Variants in SDC3 observed in about 807,000 individuals in gnomAD.
SDC3 encodes syndecan-3.
In SDC3, 13 loss-of-function variants were observed where a neutral mutation model predicts 24.4. The ratio of observed to expected loss-of-function variants is 0.53; its 90% CI spans 0.35 to 0.85. SDC3 has a LOEUF of 0.85. Among genes scored for constraint, SDC3 ranks in the 40% least tolerant of loss-of-function variants. The pLI is 0.01. For synonymous variants in SDC3, 295 were observed against 260.9 expected (o/e 1.13, Z -1.26); for missense variants, 571 against 584.5 (o/e 0.98, Z 0.24).
chr1:30,881,721 A>G (rs911576149), intron 1 of SDC3, among the ~76,000 whole-genome samples: 5 of 152,176 alleles, frequency 3.3e-5, no homozygotes, highest in Admixed American at 6.5e-5. Context: ...TGCTGGGAGC[A>G]TGTTATTTAT....
chr1:30,877,180 G>C lies in SDC3; in HGVS notation c.257-15C>G, dbSNP rs756997177. On this transcript the variant is annotated splice_polypyrimidine_tract_variant and intron_variant, in intron 2 of 4. Transcript: ENST00000339394. ...CTGCTCGAAGTCTGAGGGGGTGGGG[G>C]AGAGGGAGAGAGCTAGGGAGCTGGG... is the stretch of plus-strand genomic sequence containing the variant. 6.2e-7 allele frequency: 1 copy of C among 1,613,572 alleles called. No homozygotes were observed. Among genetic ancestry groups the C allele is most frequent in the Admixed American group, 1.7e-5 (1 of 59,996 alleles).
At chr1:30,889,635 T>C (rs1570012705) in intron 1 of SDC3, among the ~76,000 whole-genome samples, 1 of 152,180 alleles carries the variant, frequency 6.6e-6, no homozygotes, top group East Asian at 1.9e-4. Context: ...TGAATATAGA[T>C]GTTCTATAAA....
In SDC3 at chr1:30,876,584, T is replaced by A; in HGVS notation, c.838A>T (p.Thr280Ser). ...IPERSTLPLG[T>S]TAPGPTEVAQ... ...ACCTCTGTGGGTCCAGGGGCAGTGG[T>A]CCCCAGGGGCAGGGTGCTCCTCTCA... The change falls in exon 3 of 5, where the codon ACC (threonine) becomes TCC (serine). Residue 280 changes from threonine (T) to serine (S), a missense_variant. Transcript: ENST00000339394. 1 of 1,529,356 alleles carries A rather than the reference T, an allele frequency of 6.5e-7. No individual in the cohort carries two copies. The highest frequency in any genetic ancestry group is 2.3e-5 in the East Asian group (1 of 44,130). 94.7% of individuals were successfully genotyped at this position (1,529,356 alleles called of 1,614,324 possible).
chr1:30,886,342 C>A (rs1287013924), intron 1 of SDC3, among the ~76,000 whole-genome samples: 1 of 152,102 alleles, frequency 6.6e-6, no homozygotes, highest in Admixed American at 6.5e-5. Flanking sequence ...TCACACAATG[C>A]CTCCTTTGTC....
chr1:30,890,181 G>A lies in SDC3; in HGVS notation c.139-11441C>T, dbSNP rs1016500900. On this transcript the variant is annotated intron_variant, in intron 1 of 4. Transcript: ENST00000339394. ...CAAAATTAGCAAGGTGTGGTGGCAC[G>A]TGCCTGTAGTCCCAGCTATTTGGGA... 6.6e-5 allele frequency among the ~76,000 whole-genome samples: 10 copies of A among 152,190 alleles called. No homozygotes were observed. In the East Asian group the frequency reaches 1.4e-3, roughly 21 times the overall value.
At chr1:30,893,303 G>GCCCCC (rs59392837) in intron 1 of SDC3, among the ~76,000 whole-genome samples, 12 of 13,524 alleles carry the variant, frequency 8.9e-4, no homozygotes, top group South Asian at 6.5e-3. Flanking sequence ...CCCACCAGGA[G>GCCCCC]CCCCCCCCCC....
At chr1:30,902,519 A>G (rs1638436886) in intron 1 of SDC3, among the ~76,000 whole-genome samples, 1 of 152,222 alleles carries the variant, frequency 6.6e-6, no homozygotes, top group Non-Finnish European at 1.5e-5. Context: ...ATGTGATGTT[A>G]TGGAGGACAG....
intron 1 of SDC3, among the ~76,000 whole-genome samples, chr1:30,888,734 G>A (rs994521772): frequency 3.9e-5 from 6 of 152,108 alleles, no homozygotes; most frequent in Non-Finnish European, 8.8e-5. Flanking sequence ...GCCACTCCCC[G>A]CCCCCAGCCT....
At chr1:30,903,526 C>T (rs1638455251) in intron 1 of SDC3, among the ~76,000 whole-genome samples, 1 of 152,166 alleles carries the variant, frequency 6.6e-6, no homozygotes, top group African/African-American at 2.4e-5. Flanking sequence ...CAGTGGCCCT[C>T]AGAGTAGCTG....
In SDC3 at chr1:30,870,682, G is replaced by T. The variant is rs1639517838; in HGVS notation, c.*2529C>A. On this transcript the variant is annotated 3_prime_UTR_variant, in exon 5 of 5. Transcript: ENST00000339394. ...TCTCAAATGCTAAGGACACAGAGAA[G>T]AGAAGCCAGTGCCTGGAGCCCAAGC... The T allele has an allele frequency of 1.3e-5, 2 of 152,390 alleles. No individual in the cohort carries two copies. The highest frequency in any genetic ancestry group is 4.1e-4 in the South Asian group (2 of 4,838). 9.4% of individuals were successfully genotyped at this position (152,390 alleles called of 1,614,324 possible). A position where few individuals can be genotyped will look rare whatever the true frequency, so the allele number is the denominator to read the frequency against.
At chr1:30,874,717 C>G in intron 3 of SDC3, 129 bp from the exon 4 acceptor site, 4 of 838,302 alleles carry the variant, frequency 4.8e-6, no homozygotes, top group Non-Finnish European at 7.5e-6. Flanking sequence ...ACACACTATC[C>G]CCATGAAGGA....
intron 1 of SDC3, among the ~76,000 whole-genome samples, chr1:30,898,773 T>G (rs752574721): frequency 3.9e-5 from 6 of 152,182 alleles, no homozygotes; most frequent in Non-Finnish European, 8.8e-5. Context: ...TCCTCAAATC[T>G]GAAGACTACA....
intron 3 of SDC3, 85 bp downstream of exon 3, chr1:30,876,467 C>G: frequency 1.6e-6 from 2 of 1,220,138 alleles, no homozygotes; most frequent in Non-Finnish European, 2.2e-6. Flanking sequence ...TCCTGGTCCT[C>G]AGTCCTGTCC....
At chr1:30,890,217 G>C (rs1236344999) in intron 1 of SDC3, among the ~76,000 whole-genome samples, 1 of 152,152 alleles carries the variant, frequency 6.6e-6, no homozygotes, top group African/African-American at 2.4e-5. Flanking sequence ...GGCTGAGGCA[G>C]AATTGCTTGA....
intron 1 of SDC3, among the ~76,000 whole-genome samples, chr1:30,899,967 G>A (rs1012338360): frequency 7.2e-5 from 11 of 152,352 alleles, no homozygotes; most frequent in East Asian, 1.9e-4. Flanking sequence ...GAGCCCACAC[G>A]TCTGCCTGAT....
chr1:30,894,445 A>G (rs1570020143), intron 1 of SDC3, among the ~76,000 whole-genome samples: 2 of 44,200 alleles, frequency 4.5e-5, no homozygotes, highest in Non-Finnish European at 7.8e-5. Flanking sequence ...GAGTGTGTGG[A>G]TGAGTGTGGG....
chr1:30,876,758 C>A lies in SDC3; in HGVS notation c.664G>T (p.Ala222Ser). Residue 222 changes from alanine to serine, a missense_variant, in exon 3 of 5, where the codon GCA becomes TCA. Around this residue, in one of 2 missense-constraint regions of SDC3, gnomAD observed 497 missense variants for 471.6 expected, o/e 1.05. Transcript: ENST00000339394. ...GGCGCCTCGGGGGTAGTGGCCCGTG[C>A]CGTAGCCACTGTGGTCAGTGGGAGA... ...LPLPLTTVAT[A>S]RATTPEAPSP... 5.7e-6 allele frequency: 9 copies of A among 1,588,516 alleles called. No individual in the cohort carries two copies. The highest frequency in any genetic ancestry group is 7.7e-6 in the Non-Finnish European group (9 of 1,166,660).
chr1:30,887,553 T>C (rs1292526328), intron 1 of SDC3, among the ~76,000 whole-genome samples: 1 of 151,894 alleles, frequency 6.6e-6, no homozygotes, highest in Non-Finnish European at 1.5e-5. Flanking sequence ...CCAAACGACG[T>C]CCCCACGTGC....
intron 1 of SDC3, among the ~76,000 whole-genome samples, chr1:30,897,103 A>G (rs559197286): frequency 4.6e-5 from 7 of 152,298 alleles, no homozygotes; most frequent in Admixed American, 4.6e-4. Flanking sequence ...GCTTCCTGGA[A>G]GAAGGGTGTG....
Sources: allele counts gnomAD v4.1 joint callset (sites outside exome capture counted in the v4.1 genomes callset), GRCh38; gene constraint gnomAD v4.1.1; regional missense constraint gnomAD v4.1.1; transcripts MANE v1.5; gene names NCBI Gene and HGNC (gene_info 2026-07-23, HGNC 2026-07-21).